Variants in NOVA1 observed in about 807,000 individuals in gnomAD.
NOVA1 encodes NOVA alternative splicing regulator 1, also known as RNA-binding protein Nova-1.
A neutral mutation model predicts 38.0 loss-of-function variants in NOVA1; 7 were observed. The observed-to-expected ratio is 0.18, with a 90% CI of 0.10 to 0.35. The LOEUF is 0.35. Among genes scored for constraint, NOVA1 ranks in the 10% least tolerant of loss-of-function variants. The pLI, the probability that NOVA1 is intolerant of heterozygous loss-of-function variation, is 1.00. For missense variants in NOVA1, 460 were observed against 616.0 expected (o/e 0.75, Z 2.68); for synonymous variants, 270 against 232.5 (o/e 1.16, Z -1.47).
chr14:26,483,932 C>T (rs1295021336), intron 2 of NOVA1, among the ~76,000 whole-genome samples: 1 of 151,996 alleles, frequency 6.6e-6, no homozygotes, highest in African/African-American at 2.4e-5. Context: ...AGTTTTGGCA[C>T]CAAATAATTA....
intron 2 of NOVA1, among the ~76,000 whole-genome samples, chr14:26,504,304 T>C (rs1375925031): frequency 6.6e-6 from 1 of 152,186 alleles, no homozygotes; most frequent in Non-Finnish European, 1.5e-5. Flanking sequence ...TTAACGTGTC[T>C]ATTTCAGCAA....
rs1324502840 is a variant in NOVA1 at position 26,445,026 on chromosome 14, T to C, written c.*2933A>G. ...AGAGCGCCCATTCAATCTCAGTAAGTAAATGAAATATTGATTGAAAGTGAC... is the reference window on the plus strand; with the variant it reads ...AGAGCGCCCATTCAATCTCAGTAAGCAAATGAAATATTGATTGAAAGTGAC... On this transcript the variant is annotated 3_prime_UTR_variant, in exon 5 of 5. Transcript: ENST00000539517. 1 of 152,094 alleles carries C rather than the reference T, an allele frequency of 6.6e-6. No individual in the cohort carries two copies. Among genetic ancestry groups the C allele is most frequent in the Non-Finnish European group, 1.5e-5 (1 of 68,022 alleles). The allele number at this position is 152,094 out of a possible 1,614,324, so 9.4% of individuals were successfully genotyped here.
chr14:26,468,966 T>C (rs1024524892), intron 4 of NOVA1, among the ~76,000 whole-genome samples: 4 of 152,208 alleles, frequency 2.6e-5, no homozygotes, highest in Admixed American at 6.5e-5. Context: ...AAAACCATTT[T>C]GTTGAATCTT....
At chr14:26,528,450 G>T (rs1889456242) in intron 2 of NOVA1, among the ~76,000 whole-genome samples, 1 of 152,164 alleles carries the variant, frequency 6.6e-6, no homozygotes, top group East Asian at 1.9e-4. Flanking sequence ...TATAGTATGG[G>T]TAAGGTAGAG....
intron 2 of NOVA1, among the ~76,000 whole-genome samples, chr14:26,524,252 T>C (rs1037786588): frequency 6.6e-6 from 1 of 152,142 alleles, no homozygotes; most frequent in Non-Finnish European, 1.5e-5. Context: ...AGCCAACCTG[T>C]TTGTGGATCT....
chr14:26,556,652 G>A (rs1013098136), intron 2 of NOVA1, among the ~76,000 whole-genome samples: 7 of 151,782 alleles, frequency 4.6e-5, no homozygotes, highest in Admixed American at 2.6e-4. Flanking sequence ...TTGATCAGCC[G>A]GACTTCATTA....
intron 2 of NOVA1, among the ~76,000 whole-genome samples, chr14:26,555,442 CTCA>C (rs1891422717): frequency 6.6e-6 from 1 of 152,074 alleles, no homozygotes; most frequent in Admixed American, 6.6e-5. Flanking sequence ...TTAACAATCA[CTCA>C]TCATCCTAAA....
chr14:26,570,751 T>G (rs955532192), intron 2 of NOVA1, among the ~76,000 whole-genome samples: 2 of 152,198 alleles, frequency 1.3e-5, no homozygotes, highest in South Asian at 4.1e-4. Context: ...CATGAAGCAC[T>G]GCTATAATAC....
chr14:26,462,429 GAT>G (rs1481492799), intron 4 of NOVA1, among the ~76,000 whole-genome samples: 1 of 151,740 alleles, frequency 6.6e-6, no homozygotes, highest in Non-Finnish European at 1.5e-5. Flanking sequence ...CTTATCATGT[GAT>G]AGTGTTTCTC....
chr14:26,540,438 C>CG (rs1198796479), intron 2 of NOVA1, among the ~76,000 whole-genome samples: 1 of 152,162 alleles, frequency 6.6e-6, no homozygotes, highest in Admixed American at 6.5e-5. Context: ...CCAAAAAGGT[C>CG]GGGGGCTGCT....
rs199939088 is a variant in NOVA1 at position 26,597,337 on chromosome 14, G to T, written c.100C>A (p.Pro34Thr). The T allele has an allele frequency of 7.1e-6, 9 of 1,262,226 alleles. No individual in the cohort carries two copies. The highest frequency in any genetic ancestry group is 1.5e-5 in the African/African-American group (1 of 65,698). 78.2% of individuals were successfully genotyped at this position (1,262,226 alleles called of 1,614,324 possible). Reference protein sequence around the residue: ...DSRKRPLEAPPEAGSTKRTNT... With the variant: ...DSRKRPLEAPTEAGSTKRTNT... ...GTCCTCTTGGTGCTGCCGGCTTCAG[G>T]GGGGGCTTCCAGCGGCCTTTTCCGC... Residue 34 changes from proline to threonine, a missense_variant, in exon 1 of 5, where the codon CCT (proline) becomes ACT (threonine). By Grantham distance (38) the Pro-to-Thr change is conservative. Coordinates refer to ENST00000539517, the MANE Select transcript of NOVA1 (RefSeq NM_002515.3).
intron 2 of NOVA1, among the ~76,000 whole-genome samples, chr14:26,550,920 TA>T (rs2138640705): frequency 6.6e-6 from 1 of 152,192 alleles, no homozygotes; most frequent in Admixed American, 6.5e-5. Flanking sequence ...ATTCTTTCTA[TA>T]ATAAAGCACA....
chr14:26,443,186 T>A lies in NOVA1; in HGVS notation c.*4773A>T, dbSNP rs890559073. 4 of 152,082 alleles carry A rather than the reference T, an allele frequency of 2.6e-5. No individual in the cohort carries two copies. The highest frequency in any genetic ancestry group is 4.8e-5 in the African/African-American group (2 of 41,452). The allele number at this position is 152,082 out of a possible 1,614,324, so 9.4% of individuals were successfully genotyped here. ...AATTTTCCAAAATGAGCTTAAAACGTGTTCCACAGTTTTTGCTTGTTTATA... is the reference window on the plus strand; with the variant it reads ...AATTTTCCAAAATGAGCTTAAAACGAGTTCCACAGTTTTTGCTTGTTTATA... On this transcript the variant is annotated 3_prime_UTR_variant, in exon 5 of 5. Coordinates refer to ENST00000539517, the MANE Select transcript of NOVA1 (RefSeq NM_002515.3).
chr14:26,521,399 T>C (rs1392543092), intron 2 of NOVA1, among the ~76,000 whole-genome samples: 1 of 152,148 alleles, frequency 6.6e-6, no homozygotes, highest in Non-Finnish European at 1.5e-5. Flanking sequence ...GTTTAATTGC[T>C]ATTACAAAAC....
chr14:26,447,925 G>A lies in NOVA1; in HGVS notation c.*34C>T, dbSNP rs1246506272. ...TCCTTCTTGAAAATGGGGTAAAGGA[G>A]GGGTTAAAACAATCTGATGTGTAAC... On this transcript the variant is annotated 3_prime_UTR_variant, in exon 5 of 5. Coordinates refer to ENST00000539517, the MANE Select transcript of NOVA1 (RefSeq NM_002515.3). 1 of 1,556,638 alleles carries A rather than the reference G, an allele frequency of 6.4e-7. No individual in the cohort carries two copies. The highest frequency in any genetic ancestry group is 8.9e-7 in the Non-Finnish European group (1 of 1,129,836).
intron 2 of NOVA1, among the ~76,000 whole-genome samples, chr14:26,530,889 T>C (rs974651979): frequency 7.9e-5 from 12 of 152,182 alleles, no homozygotes; most frequent in Non-Finnish European, 1.6e-4. Context: ...ATAATAATTA[T>C]AACAATACGA....
chr14:26,595,657 T>C (rs1894143291), intron 1 of NOVA1, 104 bp from the exon 2 acceptor site: 2 of 901,680 alleles, frequency 2.2e-6, no homozygotes, highest in Non-Finnish European at 3.3e-6. Flanking sequence ...ACTGGGTATA[T>C]AACTGCAGGA....
At chr14:26,530,208 C>T (rs906924894) in intron 2 of NOVA1, among the ~76,000 whole-genome samples, 2 of 152,188 alleles carry the variant, frequency 1.3e-5, no homozygotes, top group Admixed American at 6.5e-5. Flanking sequence ...GTGAGCCACG[C>T]GCCCAGCCTA....
chr14:26,455,950 A>C (rs1883139444), intron 4 of NOVA1, among the ~76,000 whole-genome samples: 1 of 151,992 alleles, frequency 6.6e-6, no homozygotes, highest in Admixed American at 6.6e-5. Flanking sequence ...GATTTTACTA[A>C]ATTGAGGTTA....
Sources: gnomAD v4.1 joint callset for allele counts (sites outside exome capture counted in the v4.1 genomes callset) on GRCh38, gnomAD v4.1.1 for gene constraint, MANE v1.5 for transcripts, NCBI Gene and HGNC (gene_info 2026-07-23, HGNC 2026-07-21) for gene names.